ROBO1: variants seen among roughly 807,000 people sequenced by gnomAD.
ROBO1 encodes roundabout guidance receptor 1, also known as roundabout homolog 1.
In ROBO1, 149 loss-of-function variants were observed where a neutral mutation model predicts 195.9. The observed-to-expected ratio is 0.76, with a 90% confidence interval of 0.67 to 0.87. The LOEUF (loss-of-function observed/expected upper bound fraction) is 0.87, where lower values mean the gene tolerates loss of function less well. ROBO1 is among the 40% of genes least tolerant of loss of function. The probability of loss-of-function intolerance (pLI) is 0.00; values close to 1 mark genes in which losing one functional copy is unlikely to be tolerated. For missense variants in ROBO1, 1,933 were observed against 2,068.3 expected (o/e 0.93, Z 1.27); for synonymous variants, 816 against 733.2 (o/e 1.11, Z -1.82).
intron 2 of ROBO1, among the ~76,000 whole-genome samples, chr3:79,371,226 G>T (rs2036181822): frequency 6.6e-6 from 1 of 152,168 alleles, no homozygotes; most frequent in Non-Finnish European, 1.5e-5. Context: ...TGGGTCAAAT[G>T]GTGTCTCTGG....
intron 2 of ROBO1, among the ~76,000 whole-genome samples, chr3:79,507,687 T>C (rs949809031): frequency 6.6e-6 from 1 of 152,228 alleles, no homozygotes; most frequent in African/African-American, 2.4e-5. Context: ...TGGTATATGC[T>C]GGCGGTGTCA....
At chr3:79,079,853 A>G (rs1382556285) in intron 3 of ROBO1, among the ~76,000 whole-genome samples, 6 of 151,880 alleles carry the variant, frequency 4.0e-5, no homozygotes, top group Non-Finnish European at 8.8e-5. Flanking sequence ...TTTTAAAAGT[A>G]CCAGAGTATT....
intron 2 of ROBO1, among the ~76,000 whole-genome samples, chr3:79,404,392 C>G (rs1311666122): frequency 2.0e-5 from 3 of 152,064 alleles, no homozygotes; most frequent in Non-Finnish European, 4.4e-5. Flanking sequence ...ATTAACACAA[C>G]TATATCCACC....
At chr3:79,117,437 A>G (rs1415582017) in intron 3 of ROBO1, among the ~76,000 whole-genome samples, 1 of 152,080 alleles carries the variant, frequency 6.6e-6, no homozygotes, top group Non-Finnish European at 1.5e-5. Context: ...CCAGTTCATC[A>G]TTGTACTTGT....
intron 2 of ROBO1, among the ~76,000 whole-genome samples, chr3:79,404,776 C>A (rs1467520055): frequency 4.0e-5 from 6 of 151,548 alleles, no homozygotes; most frequent in Non-Finnish European, 8.8e-5. Context: ...CTTACCATGG[C>A]CATTAAAAAA....
Position 79,160,979 on chromosome 3 carries a change from G to A in ROBO1, c.89-35440C>T, listed in dbSNP as rs2108663441. Among the ~76,000 whole-genome samples, 2 of 152,070 alleles carry A rather than the reference G, an allele frequency of 1.3e-5. 1 individual carries two copies. Among genetic ancestry groups the A allele is most frequent in the South Asian group, 4.1e-4 (2 of 4,824 alleles). The stretch of plus-strand genomic sequence containing the variant: ...TTTCCCTCATGAGATAATTTTCCGA[G>A]TTTAATAATCATATGTCATTCTGAT... On this transcript the variant is annotated intron_variant, in intron 2 of 30. Transcript: ENST00000464233.
chr3:78,714,698 A>C (rs115802750), intron 7 of ROBO1, 174 bp from the exon 8 acceptor site: 7,255 of 528,204 alleles, frequency 0.014, 76 homozygotes, highest in Non-Finnish European at 0.017. Context: ...TGTTTTTATA[A>C]TTATGTGGAC....
chr3:78,750,963 G>A (rs180764934), intron 4 of ROBO1, among the ~76,000 whole-genome samples: 99 of 152,214 alleles, frequency 6.5e-4, no homozygotes, highest in African/African-American at 2.3e-3. Flanking sequence ...TGTTTACCAC[G>A]TGACTATTGT....
chr3:78,926,029 C>T (rs1235207241), intron 4 of ROBO1, among the ~76,000 whole-genome samples: 2 of 152,100 alleles, frequency 1.3e-5, no homozygotes, highest in East Asian at 3.9e-4. Flanking sequence ...CACCCCCACA[C>T]ATGGCTAATT....
intron 4 of ROBO1, among the ~76,000 whole-genome samples, chr3:78,840,783 G>A (rs549211901): frequency 1.3e-3 from 195 of 152,194 alleles, no homozygotes; most frequent in African/African-American, 4.4e-3. Flanking sequence ...GTTATAGGCC[G>A]AGTGCGGTGG....
At chr3:79,703,669 T>C (rs1055576081) in intron 1 of ROBO1, among the ~76,000 whole-genome samples, 8 of 151,970 alleles carry the variant, frequency 5.3e-5, no homozygotes, top group African/African-American at 1.7e-4. Context: ...TGGTCTCTTA[T>C]ATGAACTAAC....
At chr3:79,278,103 A>G (rs1219465390) in intron 2 of ROBO1, among the ~76,000 whole-genome samples, 1 of 152,150 alleles carries the variant, frequency 6.6e-6, no homozygotes, top group Non-Finnish European at 1.5e-5. Context: ...TAATAAATTT[A>G]GCAAGGAGAT....
chr3:79,676,693 C>T (rs1946794596), intron 1 of ROBO1, among the ~76,000 whole-genome samples: 1 of 152,040 alleles, frequency 6.6e-6, no homozygotes, highest in South Asian at 2.1e-4. Context: ...AGGCTTATAT[C>T]ATATCCTGGA....
chr3:79,583,159 T>A (rs1943712723), intron 2 of ROBO1, among the ~76,000 whole-genome samples: 1 of 152,044 alleles, frequency 6.6e-6, no homozygotes, highest in Admixed American at 6.6e-5. Flanking sequence ...ATTAATATGG[T>A]GTTCCTATTC....
intron 2 of ROBO1, among the ~76,000 whole-genome samples, chr3:79,247,129 GTT>G (rs575917340): frequency 3.0e-5 from 4 of 134,788 alleles, no homozygotes; most frequent in Admixed American, 1.5e-4. Flanking sequence ...CCTGTTTACT[GTT>G]TTTTTTTTTT....
chr3:79,357,884 A>G (rs1007233770), intron 2 of ROBO1, among the ~76,000 whole-genome samples: 3 of 152,170 alleles, frequency 2.0e-5, no homozygotes, highest in Non-Finnish European at 2.9e-5. Flanking sequence ...AGTGGAATCT[A>G]ATTTCATTTG....
At chr3:78,951,220 C>A (rs142701127) in intron 3 of ROBO1, among the ~76,000 whole-genome samples, 44 of 151,772 alleles carry the variant, frequency 2.9e-4, no homozygotes, top group Non-Finnish European at 5.9e-4. Context: ...TGATTGCAGT[C>A]TTCCACCCTA....
chr3:79,186,607 C>T (rs900822660), intron 2 of ROBO1, among the ~76,000 whole-genome samples: 15 of 152,030 alleles, frequency 9.9e-5, no homozygotes, highest in Admixed American at 2.0e-4. Flanking sequence ...CCTTTTGACA[C>T]GTTATAGGAT....
At chr3:79,598,176 G>A (rs1944236620) in intron 1 of ROBO1, among the ~76,000 whole-genome samples, 1 of 152,046 alleles carries the variant, frequency 6.6e-6, no homozygotes, top group Admixed American at 6.6e-5. Flanking sequence ...GTAAATGATT[G>A]AGGTCAGATA....
Sources: gnomAD v4.1 joint callset for allele counts (sites outside exome capture counted in the v4.1 genomes callset) on GRCh38, gnomAD v4.1.1 for gene constraint, MANE v1.5 for transcripts, NCBI Gene and HGNC (gene_info 2026-07-23, HGNC 2026-07-21) for gene names.